The following SLC2A13 variants were observed in gnomAD, a reference collection of about 807,000 sequenced individuals.
The protein encoded by SLC2A13 is proton myo-inositol cotransporter.
In SLC2A13, 32 loss-of-function variants were observed where a neutral mutation model predicts 64.4. That is an observed-to-expected ratio of 0.50 (90% CI 0.37 to 0.67). SLC2A13 has a LOEUF of 0.67. Among genes scored for constraint, SLC2A13 ranks in the 30% least tolerant of loss-of-function variants. The pLI is 0.00. For missense variants in SLC2A13, 743 were observed against 829.2 expected (o/e 0.90, Z 1.28); for synonymous variants, 338 against 327.1 (o/e 1.03, Z -0.36).
chr12:39,772,282 C>T (rs1940610211), intron 7 of SLC2A13, among the ~76,000 whole-genome samples: 1 of 152,114 alleles, frequency 6.6e-6, no homozygotes, highest in Non-Finnish European at 1.5e-5. Flanking sequence ...CTTAACCTCT[C>T]TGTGTCTCAA....
chr12:39,950,449 T>C (rs1946208042), intron 4 of SLC2A13: 1 of 152,198 alleles, frequency 6.6e-6, no homozygotes, highest in Admixed American at 6.5e-5. Context: ...TGATTTAGGA[T>C]CTTAAAAGTC....
At chr12:40,060,464 CAGA>C (rs1226366755) in intron 1 of SLC2A13, among the ~76,000 whole-genome samples, 4 of 152,104 alleles carry the variant, frequency 2.6e-5, no homozygotes, top group African/African-American at 9.7e-5. Flanking sequence ...GAAATCAACG[CAGA>C]AAGGAAAATT....
chr12:39,858,448 GA>G (rs201262209), intron 6 of SLC2A13, among the ~76,000 whole-genome samples: 249 of 150,056 alleles, frequency 1.7e-3, no homozygotes, highest in Middle Eastern at 6.8e-3. Flanking sequence ...AAATTAGTAA[GA>G]AAAAAAAATG....
intron 3 of SLC2A13, among the ~76,000 whole-genome samples, chr12:40,024,331 A>C (rs977930959): frequency 1.3e-5 from 2 of 152,230 alleles, no homozygotes; most frequent in Non-Finnish European, 1.5e-5. Flanking sequence ...TTCTTACTGC[A>C]ATATCTTAGA....
At chr12:39,874,284 G>T (rs1944125435) in intron 4 of SLC2A13, among the ~76,000 whole-genome samples, 1 of 152,084 alleles carries the variant, frequency 6.6e-6, no homozygotes, top group African/African-American at 2.4e-5. Flanking sequence ...TGGGTTCACA[G>T]ACATAAGTAC....
intron 3 of SLC2A13, among the ~76,000 whole-genome samples, chr12:39,968,721 A>T (rs1478386315): frequency 8.7e-6 from 1 of 114,940 alleles, no homozygotes; most frequent in African/African-American, 3.0e-5. Flanking sequence ...TTACTCTCTA[A>T]GCCTGCCCTT....
At chr12:40,078,365 T>A (rs1428335662) in intron 1 of SLC2A13, among the ~76,000 whole-genome samples, 3 of 152,168 alleles carry the variant, frequency 2.0e-5, no homozygotes, top group African/African-American at 7.2e-5. Context: ...CACGAAGGAA[T>A]GTTGAATTTC....
At chr12:39,948,046 G>A (rs1256994522) in intron 4 of SLC2A13, among the ~76,000 whole-genome samples, 1 of 151,844 alleles carries the variant, frequency 6.6e-6, no homozygotes, top group Non-Finnish European at 1.5e-5. Context: ...ATATTTTATT[G>A]GTCTATGAGA....
intron 7 of SLC2A13, among the ~76,000 whole-genome samples, chr12:39,778,699 C>T (rs1313562213): frequency 2.0e-5 from 3 of 152,150 alleles, no homozygotes; most frequent in Non-Finnish European, 4.4e-5. Flanking sequence ...TTCATTTCTT[C>T]ACTCATTTAT....
intron 4 of SLC2A13, among the ~76,000 whole-genome samples, chr12:39,933,299 A>G (rs937385): frequency 0.87 from 131,676 of 152,222 alleles, 57,023 homozygotes; most frequent in East Asian, 1. Context: ...AGTTCATTCT[A>G]GTTGCTCTGT....
At chr12:39,895,013 G>C (rs1166847357) in intron 4 of SLC2A13, among the ~76,000 whole-genome samples, 3 of 152,160 alleles carry the variant, frequency 2.0e-5, no homozygotes, top group South Asian at 4.1e-4. Flanking sequence ...CAAGGGAAGA[G>C]ATAGAATCAT....
chr12:40,078,652 G>T (rs1439428247), intron 1 of SLC2A13, among the ~76,000 whole-genome samples: 2 of 152,156 alleles, frequency 1.3e-5, no homozygotes, highest in African/African-American at 4.8e-5. Context: ...GCCTCATAAT[G>T]AGTCAGAGAG....
At chr12:40,082,605 T>C (rs1938447473) in intron 1 of SLC2A13, among the ~76,000 whole-genome samples, 1 of 152,212 alleles carries the variant, frequency 6.6e-6, no homozygotes, top group Non-Finnish European at 1.5e-5. Flanking sequence ...AGATATGCTC[T>C]GTCCAGGTCT....
chr12:39,923,694 G>GCACA (rs200530373), intron 4 of SLC2A13, among the ~76,000 whole-genome samples: 15,060 of 137,120 alleles, frequency 0.11, 936 homozygotes, highest in Non-Finnish European at 0.15. Flanking sequence ...ATATGCGCAC[G>GCACA]CGCACACACA....
At chr12:40,067,953 G>C (rs1937800331) in intron 1 of SLC2A13, among the ~76,000 whole-genome samples, 1 of 152,076 alleles carries the variant, frequency 6.6e-6, no homozygotes, top group Non-Finnish European at 1.5e-5. Context: ...ACCGAGGCTG[G>C]TGCACACTGA....
intron 1 of SLC2A13, among the ~76,000 whole-genome samples, chr12:40,073,653 C>T (rs769677463): frequency 3.3e-5 from 5 of 151,936 alleles, no homozygotes; most frequent in African/African-American, 4.8e-5. Flanking sequence ...TAACAGGGTA[C>T]AAAATCCTAG....
intron 4 of SLC2A13, among the ~76,000 whole-genome samples, chr12:39,947,875 T>C (rs796194418): frequency 2.0e-5 from 3 of 152,100 alleles, no homozygotes; most frequent in Admixed American, 6.5e-5. Flanking sequence ...TTAGCCAGGA[T>C]GGTCTCGATC....
At chr12:39,967,805 G>A (rs1300222812) in intron 3 of SLC2A13, among the ~76,000 whole-genome samples, 3 of 152,190 alleles carry the variant, frequency 2.0e-5, no homozygotes, top group Admixed American at 6.5e-5. Flanking sequence ...ACCTGTGGGA[G>A]TTGGATGGTG....
In SLC2A13 at chr12:39,838,169, G is replaced by T. The variant is rs1169224511; in HGVS notation, c.1320-7941C>A. On this transcript the variant is annotated intron_variant, in intron 6 of 9. Coordinates refer to ENST00000280871, the MANE Select transcript of SLC2A13 (RefSeq NM_052885.4). ...TGGAATACTACGCAGCCATAAAAAA[G>T]GATGAGTTCATGTCCTTTGTAGGGA... Among the ~76,000 whole-genome samples, 718 of 149,566 alleles carry T rather than the reference G, an allele frequency of 4.8e-3. 8 individuals carry two copies. The highest frequency in any genetic ancestry group is 0.017 in the African/African-American group (677 of 40,134).
Sources: allele counts gnomAD v4.1 joint callset (sites outside exome capture counted in the v4.1 genomes callset), GRCh38; gene constraint gnomAD v4.1.1; transcripts MANE v1.5; gene names NCBI Gene and HGNC (gene_info 2026-07-23, HGNC 2026-07-21).